COLEC12: variants seen among roughly 807,000 people sequenced by gnomAD.
COLEC12 encodes collectin subfamily member 12, also known as collectin-12.
Under a neutral mutation model 71.1 loss-of-function variants are expected in COLEC12, and 33 were observed. The observed-to-expected ratio is 0.46, with a 90% CI of 0.35 to 0.62. The LOEUF is 0.62. Ranked by LOEUF, COLEC12 falls within the 20% of genes least tolerant of loss-of-function variation. The pLI is 0.00. For missense variants in COLEC12, 765 were observed against 916.1 expected (o/e 0.84, Z 2.13); for synonymous variants, 350 against 353.0 (o/e 0.99, Z 0.10).
intron 2 of COLEC12, among the ~76,000 whole-genome samples, chr18:397,973 G>A (rs1915605343): frequency 1.3e-5 from 2 of 152,176 alleles, no homozygotes; most frequent in African/African-American, 4.8e-5. Flanking sequence ...AAAGGGAAGG[G>A]AAGTTACAGA....
At chr18:415,063 C>G (rs1051559697) in intron 2 of COLEC12, among the ~76,000 whole-genome samples, 3 of 152,184 alleles carry the variant, frequency 2.0e-5, no homozygotes, top group Admixed American at 6.5e-5. Context: ...TGCATCAGTG[C>G]AAACACGGAA....
intron 2 of COLEC12, among the ~76,000 whole-genome samples, chr18:417,041 G>GACAC (rs35399538): frequency 0.18 from 27,212 of 150,204 alleles, 2,643 homozygotes; most frequent in East Asian, 0.31. Flanking sequence ...CATGCACCCA[G>GACAC]ACACACACAC....
chr18:460,491 C>T (rs1812096956), intron 2 of COLEC12, among the ~76,000 whole-genome samples: 1 of 152,154 alleles, frequency 6.6e-6, no homozygotes, highest in South Asian at 2.1e-4. Flanking sequence ...CAGGTCTGTT[C>T]TCTGTTTTGA....
At chr18:342,829 T>TA (rs1186238927) in intron 5 of COLEC12, among the ~76,000 whole-genome samples, 1 of 152,224 alleles carries the variant, frequency 6.6e-6, no homozygotes, top group Non-Finnish European at 1.5e-5. Context: ...ATAAATGTGA[T>TA]AGTGTCTCTG....
At chr18:469,917 A>G (rs1187722236) in intron 2 of COLEC12, among the ~76,000 whole-genome samples, 1 of 152,122 alleles carries the variant, frequency 6.6e-6, no homozygotes, top group Non-Finnish European at 1.5e-5. Context: ...TTGAAACAAG[A>G]TGAATTAATA....
At chr18:356,393 A>T (rs538433128) in intron 3 of COLEC12, among the ~76,000 whole-genome samples, 17 of 152,154 alleles carry the variant, frequency 1.1e-4, no homozygotes, top group Admixed American at 2.6e-4. Flanking sequence ...AATTGTATTA[A>T]AAATGGTAGG....
intron 1 of COLEC12, among the ~76,000 whole-genome samples, chr18:494,249 T>C (rs941635847): frequency 6.6e-6 from 1 of 152,206 alleles, no homozygotes; most frequent in Non-Finnish European, 1.5e-5. Context: ...GAAAATTACT[T>C]TCATTTCAGA....
chr18:498,275 G>A (rs952563931), intron 1 of COLEC12, among the ~76,000 whole-genome samples: 2 of 150,844 alleles, frequency 1.3e-5, no homozygotes, highest in East Asian at 2.0e-4. Flanking sequence ...TGCCCCTCCC[G>A]TCCCCACCCC....
chr18:475,905 G>T (rs547190222), intron 2 of COLEC12, among the ~76,000 whole-genome samples: 1 of 152,324 alleles, frequency 6.6e-6, no homozygotes, highest in Admixed American at 6.5e-5. Context: ...GCAGGGCTGG[G>T]TTCCCTTCAA....
At chr18:380,495 C>CTTTTT (rs10678375) in intron 2 of COLEC12, among the ~76,000 whole-genome samples, 133,052 of 151,708 alleles carry the variant, frequency 0.88, 58,354 homozygotes, top group Admixed American at 0.92. Context: ...GGTATCTTTT[C>CTTTTT]ATCAACGGTG....
In COLEC12 at chr18:399,498, A is replaced by G. The variant is rs1915637572; in HGVS notation, c.59-41976T>C. Among the ~76,000 whole-genome samples, 1 of 152,178 alleles carries G rather than the reference A, an allele frequency of 6.6e-6. No individual in the cohort carries two copies. The highest frequency in any genetic ancestry group is 1.5e-5 in the Non-Finnish European group (1 of 68,032). Reference sequence around the variant, plus strand: ...TTCCTACCGTGTCATTCACTAATGTATTCATTTAGCAAATATTTATTGACC... The same window carrying G: ...TTCCTACCGTGTCATTCACTAATGTGTTCATTTAGCAAATATTTATTGACC... On this transcript the variant is annotated intron_variant, in intron 2 of 9. Transcript: ENST00000400256. This position sits in a 1 kb window ranked among gnomAD's most constrained non-coding sequence, Gnocchi z 4.0.
rs116118185 is a variant in COLEC12 at position 452,487 on chromosome 18, G to T, written c.58+28220C>A. 6.8e-3 allele frequency among the ~76,000 whole-genome samples: 1,041 copies of T among 152,286 alleles called. 15 individuals carry two copies. The highest frequency in any genetic ancestry group is 0.024 in the African/African-American group (1,016 of 41,546). ...GTTGATTCTTTTAAGGGCTTTGGTT[G>T]CTGCTTCTAGGAACCCCCTCTTCAG... On this transcript the variant is annotated intron_variant, in intron 2 of 9. Transcript: ENST00000400256.
At chr18:326,378 C>T (rs1219556318) in intron 8 of COLEC12, among the ~76,000 whole-genome samples, 1 of 152,080 alleles carries the variant, frequency 6.6e-6, no homozygotes, top group South Asian at 2.1e-4. Context: ...GATGGAGTCT[C>T]GCTCTGTCAC....
At chr18:484,034 G>A (rs956883627) in intron 1 of COLEC12, among the ~76,000 whole-genome samples, 2 of 152,204 alleles carry the variant, frequency 1.3e-5, no homozygotes, top group African/African-American at 4.8e-5. Flanking sequence ...GAAACAAGAA[G>A]GGAGGTTCAT....
chr18:457,853 T>G (rs9303954), intron 2 of COLEC12, among the ~76,000 whole-genome samples: 38,082 of 152,158 alleles, frequency 0.25, 5,285 homozygotes, highest in East Asian at 0.4. Context: ...CTTGACTGTT[T>G]AGTGCTTACG....
At chr18:360,178 CTT>C (rs778619867) in intron 2 of COLEC12, among the ~76,000 whole-genome samples, 1 of 141,638 alleles carries the variant, frequency 7.1e-6, no homozygotes. Context: ...ATTTGGATTT[CTT>C]TTTTTTTTTT....
rs967616105 is a variant in COLEC12, at chr18:481,314, G to A, written c.8-557C>T. Among the ~76,000 whole-genome samples the A allele has an allele frequency of 7.9e-5, 12 of 152,210 alleles. No homozygotes were observed. In the Middle Eastern group the frequency reaches 0.01, roughly 129 times the overall value. ...ACCAAACCCTTCCCACCCTCCTTCC[G>A]ATGGGTAACTGGGACCAACCGATGG... On this transcript the variant is annotated intron_variant, in intron 1 of 9. Coordinates refer to ENST00000400256, the MANE Select transcript of COLEC12 (RefSeq NM_130386.3).
chr18:381,723 CTT>C (rs1915235390), intron 2 of COLEC12, among the ~76,000 whole-genome samples: 1 of 152,098 alleles, frequency 6.6e-6, no homozygotes, highest in African/African-American at 2.4e-5. Flanking sequence ...AAAATGGAAA[CTT>C]TTAATGTCCA....
At chr18:335,999 TCTTA>T (rs531424042) in intron 5 of COLEC12, among the ~76,000 whole-genome samples, 1 of 152,224 alleles carries the variant, frequency 6.6e-6, no homozygotes, top group East Asian at 1.9e-4. Context: ...CAGGATTTCC[TCTTA>T]CTTATTTCCT....
Sources: allele counts gnomAD v4.1 joint callset (sites outside exome capture counted in the v4.1 genomes callset), GRCh38; gene constraint gnomAD v4.1.1; non-coding constraint Gnocchi (gnomAD v3.1); transcripts MANE v1.5; gene names NCBI Gene and HGNC (gene_info 2026-07-23, HGNC 2026-07-21).